The following MSRA variants were observed in gnomAD, a reference collection of about 807,000 sequenced individuals.
MSRA encodes the protein methionine sulfoxide reductase A.
A neutral mutation model predicts 31.3 loss-of-function variants in MSRA; 54 were observed. That is an observed-to-expected ratio of 1.73 (90% confidence interval 1.39 to 2.17). The LOEUF (loss-of-function observed/expected upper bound fraction) is 2.17. MSRA is among the 30% of genes most tolerant of loss of function. MSRA has a pLI of 0.00. For missense variants in MSRA, 507 were observed against 300.9 expected (o/e 1.69, Z -5.07); for synonymous variants, 169 against 116.5 (o/e 1.45, Z -2.90).
At chr8:10,146,658 T>A (rs1283584362) in intron 1 of MSRA, among the ~76,000 whole-genome samples, 2 of 152,144 alleles carry the variant, frequency 1.3e-5, no homozygotes, top group African/African-American at 4.8e-5. Context: ...TTGTATACTT[T>A]AAATGGGTCA....
At chr8:10,421,817 C>T (rs1302250924) in intron 5 of MSRA, among the ~76,000 whole-genome samples, 2 of 152,118 alleles carry the variant, frequency 1.3e-5, no homozygotes, top group East Asian at 3.9e-4. Flanking sequence ...ACAACTTACA[C>T]ATGCCTACCC....
chr8:10,339,414 A>T (rs899119050), intron 5 of MSRA, among the ~76,000 whole-genome samples: 11 of 151,334 alleles, frequency 7.3e-5, no homozygotes, highest in Non-Finnish European at 1.5e-4. Flanking sequence ...AATTGGATCT[A>T]TTTAGATGTC....
chr8:10,187,805 G>C (rs983375189), intron 1 of MSRA, among the ~76,000 whole-genome samples: 8 of 152,188 alleles, frequency 5.3e-5, no homozygotes, highest in Non-Finnish European at 5.9e-5. Context: ...TCTGTCTTCA[G>C]AGGTAGTTCT....
chr8:10,100,604 A>G (rs561315146), intron 1 of MSRA, among the ~76,000 whole-genome samples: 4 of 152,238 alleles, frequency 2.6e-5, no homozygotes, highest in African/African-American at 7.2e-5. Context: ...AATTTAGATC[A>G]AGTGAAAGAA....
chr8:10,128,714 A>G (rs1801674678), intron 1 of MSRA, among the ~76,000 whole-genome samples: 1 of 152,216 alleles, frequency 6.6e-6, no homozygotes, highest in South Asian at 2.1e-4. Context: ...ACAGTAGTGT[A>G]TCTTTTAGAG....
chr8:10,336,842 G>T (rs919648396), intron 5 of MSRA: 2 of 152,202 alleles, frequency 1.3e-5, no homozygotes, highest in African/African-American at 4.8e-5. Flanking sequence ...TAATTGTCTA[G>T]ACCCAACGTT....
intron 3 of MSRA, among the ~76,000 whole-genome samples, chr8:10,288,203 C>T (rs765495672): frequency 3.3e-5 from 5 of 152,130 alleles, no homozygotes; most frequent in Non-Finnish European, 5.9e-5. Context: ...TCGCCCTAAG[C>T]GGCCTTTTTA....
intron 2 of MSRA, among the ~76,000 whole-genome samples, chr8:10,237,820 A>G (rs1812078208): frequency 6.6e-6 from 1 of 152,176 alleles, no homozygotes; most frequent in African/African-American, 2.4e-5. Context: ...ATCATGACCC[A>G]TGACTTCCTC....
chr8:10,273,789 A>G (rs1799169166), intron 3 of MSRA, among the ~76,000 whole-genome samples: 3 of 151,954 alleles, frequency 2.0e-5, no homozygotes, highest in Non-Finnish European at 2.9e-5. Flanking sequence ...TTTTCAGGCA[A>G]CACAAACTAT....
chr8:10,227,447 T>C (rs1249324065), intron 2 of MSRA, among the ~76,000 whole-genome samples: 1 of 152,148 alleles, frequency 6.6e-6, no homozygotes, highest in East Asian at 1.9e-4. Flanking sequence ...TGCTGTAATA[T>C]GAAAGGGGTT....
intron 1 of MSRA, among the ~76,000 whole-genome samples, chr8:10,101,484 A>G (rs560735182): frequency 5.1e-4 from 77 of 152,262 alleles, no homozygotes; most frequent in Non-Finnish European, 9.9e-4. Context: ...AAGTCTTTTC[A>G]TCTTGCAAAA....
intron 5 of MSRA, among the ~76,000 whole-genome samples, chr8:10,351,734 G>T (rs1041305714): frequency 1.3e-5 from 2 of 152,234 alleles, no homozygotes; most frequent in Non-Finnish European, 2.9e-5. Context: ...TCCACAGTGA[G>T]ATGAATAGAA....
At chr8:10,225,302 C>G (rs1015263102) in intron 2 of MSRA, among the ~76,000 whole-genome samples, 14 of 152,140 alleles carry the variant, frequency 9.2e-5, no homozygotes, top group African/African-American at 3.1e-4. Context: ...CCCCCTCAAC[C>G]CTTCTTTGTG....
intron 1 of MSRA, among the ~76,000 whole-genome samples, chr8:10,140,763 C>T (rs893241830): frequency 9.2e-5 from 14 of 151,974 alleles, no homozygotes; most frequent in African/African-American, 3.1e-4. Flanking sequence ...GAGAGAAGTA[C>T]GTTCTACTTT....
At position 10,298,963 on chromosome 8, in the gene MSRA, A is replaced by G. The variant is rs558059118; in HGVS notation, c.332-2571A>G. Among the ~76,000 whole-genome samples, 69 of 152,288 alleles carry G rather than the reference A, an allele frequency of 4.5e-4. 2 individuals carry two copies. Among genetic ancestry groups the G allele is most frequent in the African/African-American group, 1.6e-3 (67 of 41,570 alleles). ...TGAGCGTCTTTGTGGCTCTTGCTACATACACCCGTGGGGTTTCAGAAAAGA... is the reference window on the plus strand; with the variant it reads ...TGAGCGTCTTTGTGGCTCTTGCTACGTACACCCGTGGGGTTTCAGAAAAGA... On this transcript the variant is annotated intron_variant, in intron 3 of 5. Coordinates refer to ENST00000317173, the MANE Select transcript of MSRA (RefSeq NM_012331.5).
At chr8:10,306,573 G>A (rs1354637824) in intron 4 of MSRA, among the ~76,000 whole-genome samples, 1 of 151,970 alleles carries the variant, frequency 6.6e-6, no homozygotes, top group African/African-American at 2.4e-5. Flanking sequence ...CCTTGCTGGT[G>A]CTGACAGTGG....
At chr8:10,169,689 T>C (rs768254481) in intron 1 of MSRA, among the ~76,000 whole-genome samples, 1 of 152,240 alleles carries the variant, frequency 6.6e-6, no homozygotes, top group Non-Finnish European at 1.5e-5. Context: ...TTGCCCATGT[T>C]CATTCCCAAG....
intron 1 of MSRA, among the ~76,000 whole-genome samples, chr8:10,061,957 G>A (rs1797216157): frequency 6.6e-6 from 1 of 152,212 alleles, no homozygotes; most frequent in African/African-American, 2.4e-5. Flanking sequence ...GCCTTGGCCT[G>A]CGATCTTCAG....
chr8:10,416,019 G>T (rs1228536635), intron 5 of MSRA, among the ~76,000 whole-genome samples: 2 of 152,090 alleles, frequency 1.3e-5, no homozygotes, highest in African/African-American at 2.4e-5. Flanking sequence ...CCCTCTGGGT[G>T]GGGGACAGGA....
Sources: allele counts gnomAD v4.1 joint callset (sites outside exome capture counted in the v4.1 genomes callset), GRCh38; gene constraint gnomAD v4.1.1; transcripts MANE v1.5; gene names NCBI Gene and HGNC (gene_info 2026-07-23, HGNC 2026-07-21).